ANKHD1: variants seen among roughly 807,000 people sequenced by gnomAD.
ANKHD1 encodes the protein ankyrin repeat and KH domain-containing protein 1.
A neutral mutation model predicts 230.5 loss-of-function variants in ANKHD1; 31 were observed. That is an observed-to-expected ratio of 0.13 (90% CI 0.10 to 0.18). ANKHD1 has a LOEUF of 0.18. Ranked by LOEUF, ANKHD1 falls within the 10% of genes least tolerant of loss-of-function variation. The probability of loss-of-function intolerance (pLI) is 1.00; values close to 1 mark genes in which losing one functional copy is unlikely to be tolerated. For synonymous variants in ANKHD1, 1,074 were observed against 1,117.6 expected (o/e 0.96, Z 0.78); for missense variants, 2,256 against 3,071.3 (o/e 0.73, Z 6.27).
chr5:140,414,078 G>A (rs1771158020), intron 1 of ANKHD1, among the ~76,000 whole-genome samples: 1 of 152,030 alleles, frequency 6.6e-6, no homozygotes. Context: ...ACTGTGCCCG[G>A]TCTATCTGTT....
chr5:140,455,904 G>A (rs1467531117), intron 7 of ANKHD1, among the ~76,000 whole-genome samples: 1 of 152,116 alleles, frequency 6.6e-6, no homozygotes, highest in Non-Finnish European at 1.5e-5. Flanking sequence ...TATTCAATTA[G>A]GAAAAGAGGA....
intron 1 of ANKHD1, among the ~76,000 whole-genome samples, chr5:140,403,597 A>T (rs1770170474): frequency 6.6e-6 from 1 of 152,052 alleles, no homozygotes; most frequent in Non-Finnish European, 1.5e-5. Context: ...ATTTTTTAGT[A>T]AAGACAGGGT....
chr5:140,494,995 A>G (rs1310910953), intron 14 of ANKHD1, among the ~76,000 whole-genome samples: 1 of 151,966 alleles, frequency 6.6e-6, no homozygotes, highest in African/African-American at 2.4e-5. Flanking sequence ...GTTTTAGACC[A>G]TCTCCATCTG....
chr5:140,498,111 C>T (rs955096751), intron 15 of ANKHD1: 2 of 152,138 alleles, frequency 1.3e-5, no homozygotes, highest in African/African-American at 4.8e-5. Flanking sequence ...CCATGAGAGC[C>T]CAATTCAGAA....
chr5:140,432,776 T>C (rs1382107270), intron 1 of ANKHD1, among the ~76,000 whole-genome samples: 1 of 152,144 alleles, frequency 6.6e-6, no homozygotes, highest in African/African-American at 2.4e-5. Flanking sequence ...CGTACAATCA[T>C]AGCTCAGTGT....
In ANKHD1 at chr5:140,459,638, T is replaced by C. The variant is rs1214627079; in HGVS notation, c.1672+283T>C. Among the ~76,000 whole-genome samples, 28 of 152,036 alleles carry C rather than the reference T, an allele frequency of 1.8e-4. 1 individual carries two copies. The Admixed American group carries it at 1.8e-3, about 10-fold the overall frequency. On this transcript the variant is annotated intron_variant, in intron 9 of 33. Coordinates refer to ENST00000360839, the MANE Select transcript of ANKHD1 (RefSeq NM_017747.3). Reference sequence around the variant, plus strand: ...CAAAATTGCTAAGAGTAGATTTAAATGTTCTCACCACAAATATGTGAGGTG... The same window carrying C: ...CAAAATTGCTAAGAGTAGATTTAAACGTTCTCACCACAAATATGTGAGGTG...
At chr5:140,421,625 G>A (rs1771991786) in intron 1 of ANKHD1, among the ~76,000 whole-genome samples, 1 of 152,046 alleles carries the variant, frequency 6.6e-6, no homozygotes, top group African/African-American at 2.4e-5. Context: ...CGTAACACCT[G>A]CTTAAGGAGG....
At chr5:140,445,405 G>A (rs940977714) in intron 5 of ANKHD1, among the ~76,000 whole-genome samples, 7 of 152,072 alleles carry the variant, frequency 4.6e-5, no homozygotes, top group East Asian at 1.9e-4. Flanking sequence ...TCAGGAGGCC[G>A]AGGCAGGAGG....
At chr5:140,488,586 C>CAA (rs748482203) in intron 14 of ANKHD1, among the ~76,000 whole-genome samples, 2 of 118,356 alleles carry the variant, frequency 1.7e-5, no homozygotes, top group African/African-American at 6.3e-5. Flanking sequence ...AACTCTGTCT[C>CAA]AAAAAAAAAA....
chr5:140,451,602 T>C (rs186440403), intron 7 of ANKHD1, among the ~76,000 whole-genome samples: 3 of 152,226 alleles, frequency 2.0e-5, no homozygotes, highest in African/African-American at 7.2e-5. Flanking sequence ...CTGCCTCCTA[T>C]GCTGAAGCAG....
rs569210224 is a variant in ANKHD1 at position 140,452,926 on chromosome 5, A to AAGG, written c.1242+3626_1242+3628dup. Among the ~76,000 whole-genome samples, 56 of 152,318 alleles carry AAGG rather than the reference A, an allele frequency of 3.7e-4. No homozygotes were observed. The East Asian group carries it at 0.011, about 29-fold the overall frequency. ...CAGACAATCAAACTTCTCTGAGCTA[A>AAGG]AGGAGGAAGTTCGAACCCAACACAA... On this transcript the variant is annotated intron_variant, in intron 7 of 33. Transcript: ENST00000360839.
At chr5:140,424,905 T>C (rs559118740) in intron 1 of ANKHD1, among the ~76,000 whole-genome samples, 1 of 152,324 alleles carries the variant, frequency 6.6e-6, no homozygotes, top group African/African-American at 2.4e-5. Context: ...TCACATGGTT[T>C]TGTGATCTTG....
At chr5:140,503,184 CT>C (rs1156456134) in intron 15 of ANKHD1, among the ~76,000 whole-genome samples, 1 of 152,100 alleles carries the variant, frequency 6.6e-6, no homozygotes, top group Admixed American at 6.5e-5. Context: ...TTTTGACTGA[CT>C]TTTAATCTGG....
intron 16 of ANKHD1, 27 bp from the exon 17 acceptor site, chr5:140,505,095 T>A (rs537965789): frequency 9.0e-5 from 145 of 1,604,236 alleles, no homozygotes; most frequent in South Asian, 3.3e-4. Flanking sequence ...TTAAAAAAAA[T>A]TTTAACTTAT....
chr5:140,454,565 A>G (rs2126954123), intron 7 of ANKHD1, among the ~76,000 whole-genome samples: 1 of 152,320 alleles, frequency 6.6e-6, no homozygotes, highest in Non-Finnish European at 1.5e-5. Flanking sequence ...AACTCACTCA[A>G]AACCGCTCAA....
At chr5:140,523,162 G>A (rs1753437906) in intron 24 of ANKHD1, among the ~76,000 whole-genome samples, 1 of 130,476 alleles carries the variant, frequency 7.7e-6, no homozygotes, top group Admixed American at 8.7e-5. Context: ...TGCCAAGGCT[G>A]AGTGCAGTGA....
chr5:140,454,023 A>C (rs1774960637), intron 7 of ANKHD1, among the ~76,000 whole-genome samples: 1 of 152,220 alleles, frequency 6.6e-6, no homozygotes. Flanking sequence ...AGTAAGACCT[A>C]CCAAGCAAAT....
At position 140,507,467 on chromosome 5, in the gene ANKHD1, C is replaced by G. The variant is rs1366516650; in HGVS notation, c.3552-318C>G. 6.6e-6 allele frequency among the ~76,000 whole-genome samples: 1 copy of G among 152,122 alleles called. No individual in the cohort carries two copies. The highest frequency in any genetic ancestry group is 1.5e-5 in the Non-Finnish European group (1 of 68,018). ...GGATTACAGGCATGCGCCACCACACCCAGCTAATTTTGTATTTGTAGTAGA... is the reference window on the plus strand; with the variant it reads ...GGATTACAGGCATGCGCCACCACACGCAGCTAATTTTGTATTTGTAGTAGA... On this transcript the variant is annotated intron_variant, in intron 19 of 33. Transcript: ENST00000360839. The surrounding 1 kb of genome is among the most constrained non-coding windows in gnomAD (Gnocchi z 4.1).
At chr5:140,481,580 C>T in intron 10 of ANKHD1, among the ~76,000 whole-genome samples, 1 of 151,612 alleles carries the variant, frequency 6.6e-6, no homozygotes, top group East Asian at 1.9e-4. Flanking sequence ...GTTGTTTTGC[C>T]TGAGTTGTAG....
Sources: gnomAD v4.1 joint callset for allele counts (sites outside exome capture counted in the v4.1 genomes callset) on GRCh38, gnomAD v4.1.1 for gene constraint, Gnocchi (gnomAD v3.1) non-coding constraint, MANE v1.5 for transcripts, NCBI Gene and HGNC (gene_info 2026-07-23, HGNC 2026-07-21) for gene names.